The following ATXN3 variants were observed in gnomAD, a reference collection of about 807,000 sequenced individuals.
ATXN3 encodes ataxin-3.
A neutral mutation model predicts 58.2 loss-of-function variants in ATXN3; 28 were observed. That is an observed-to-expected ratio of 0.48 (90% confidence interval 0.36 to 0.66). The LOEUF (loss-of-function observed/expected upper bound fraction) is 0.66, where lower values mean the gene tolerates loss of function less well. Among genes scored for constraint, ATXN3 ranks in the 30% least tolerant of loss-of-function variants. ATXN3 has a pLI of 0.00. For synonymous variants in ATXN3, 113 were observed against 138.5 expected (o/e 0.82, Z 1.29); for missense variants, 321 against 422.1 (o/e 0.76, Z 2.10).
chr14:92,045,012 C>T (rs1386618802), intron 2 of ATXN3: 2 of 152,146 alleles, frequency 1.3e-5, no homozygotes. Context: ...TCTAGCCTGC[C>T]AGAGGACTGG....
At chr14:92,077,194 T>G (rs527415987) in intron 9 of ATXN3, among the ~76,000 whole-genome samples, 1 of 152,258 alleles carries the variant, frequency 6.6e-6, no homozygotes, top group East Asian at 1.9e-4. Context: ...TTATGCCACA[T>G]CCATTCATTT....
intron 1 of ATXN3, among the ~76,000 whole-genome samples, chr14:92,105,917 T>C (rs568439304): frequency 5.3e-5 from 8 of 152,286 alleles, no homozygotes; most frequent in Non-Finnish European, 8.8e-5. Context: ...ACGACTTCCC[T>C]GTTTAGGGGC....
At chr14:92,050,568 A>G (rs764429258), upstream of ATXN3, 18 of 152,260 alleles carry the variant, frequency 1.2e-4, no homozygotes, top group African/African-American at 4.3e-4. Flanking sequence ...GAAAAAAGAC[A>G]AAAAATAACT....
At chr14:92,057,572 C>T (rs1595429285), downstream of ATXN3, among the ~76,000 whole-genome samples, 2 of 152,148 alleles carry the variant, frequency 1.3e-5, no homozygotes, top group East Asian at 3.9e-4. Flanking sequence ...CATTCTTGCA[C>T]AAGATCCAAG....
intron 8 of ATXN3, among the ~76,000 whole-genome samples, chr14:92,081,465 C>T (rs1405160801): frequency 4.8e-5 from 4 of 82,976 alleles, no homozygotes; most frequent in Non-Finnish European, 9.9e-5. Context: ...GACTCTGACT[C>T]AAAAAAAAAA....
intron 10 of ATXN3, among the ~76,000 whole-genome samples, chr14:92,066,611 T>TTC (rs1223904200): frequency 6.9e-6 from 1 of 144,022 alleles, no homozygotes; most frequent in Non-Finnish European, 1.5e-5. Flanking sequence ...GTTTTTTTTT[T>TTC]TTTTTTTTTT....
rs992347935 is a variant in ATXN3, at chr14:92,093,044, T to TA, written c.387+207dup. ...ATGCCTGGCTCTTTGTTTTTTTTTT[T>TA]ATTTATTTTTATTTTTATTTTTATT... On this transcript the variant is annotated intron_variant, in intron 5 of 10. Coordinates refer to ENST00000644486, the MANE Select transcript of ATXN3 (RefSeq NM_004993.6). Among the ~76,000 whole-genome samples, 75 of 145,502 alleles carry TA rather than the reference T, an allele frequency of 5.2e-4. 1 individual carries two copies. The South Asian group carries it at 0.015, about 29-fold the overall frequency.
chr14:92,068,285 A>G (rs1397681113), intron 10 of ATXN3, among the ~76,000 whole-genome samples: 1 of 152,200 alleles, frequency 6.6e-6, no homozygotes, highest in Non-Finnish European at 1.5e-5. Flanking sequence ...GTTGGGGTAC[A>G]TATCTTGGCT....
At chr14:92,095,965 T>G in intron 3 of ATXN3, 128 bp downstream of exon 3, 1 of 784,566 alleles carries the variant, frequency 1.3e-6, no homozygotes. Flanking sequence ...TCTAGTACTC[T>G]AGAGTATAAT....
chr14:92,070,041 T>C (rs1452015318), intron 10 of ATXN3, among the ~76,000 whole-genome samples: 4 of 152,204 alleles, frequency 2.6e-5, no homozygotes, highest in South Asian at 4.1e-4. Flanking sequence ...TTCAAATCCT[T>C]CACCTTTTTA....
chr14:92,056,106 A>G (rs1482647865), downstream of ATXN3, among the ~76,000 whole-genome samples: 1 of 143,320 alleles, frequency 7.0e-6, no homozygotes, highest in Admixed American at 6.8e-5. Flanking sequence ...GTGGCATAGA[A>G]TCTGCTCCCT....
chr14:92,095,955 T>A (rs2065125126), intron 3 of ATXN3, 138 bp downstream of exon 3: 1 of 704,984 alleles, frequency 1.4e-6, no homozygotes, highest in African/African-American at 1.8e-5. Flanking sequence ...AAAAAAAAAA[T>A]CTAGTACTCT....
In ATXN3 at chr14:92,095,453, A is replaced by G. The variant is rs55735641; in HGVS notation, c.234+640T>C. On this transcript the variant is annotated intron_variant, in intron 3 of 10. Coordinates refer to ENST00000644486, the MANE Select transcript of ATXN3 (RefSeq NM_004993.6). Reference sequence around the variant, plus strand: ...GAGACGGGGTTTCACCATGTTAGCCAGGATGGTCTCAATCTCCTGACCTCG... The same window carrying G: ...GAGACGGGGTTTCACCATGTTAGCCGGGATGGTCTCAATCTCCTGACCTCG... Among the ~76,000 whole-genome samples the G allele has an allele frequency of 7.3e-5, 11 of 150,586 alleles. No homozygotes were observed. In the East Asian group the frequency reaches 2.2e-3, roughly 31 times the overall value.
chr14:92,066,442 G>A (rs1291409967), intron 10 of ATXN3, among the ~76,000 whole-genome samples: 1 of 147,640 alleles, frequency 6.8e-6, no homozygotes, highest in Non-Finnish European at 1.5e-5. Context: ...CCTTCCTGAT[G>A]TTCCAAAATT....
At chr14:92,073,421 A>T (rs1282709748) in intron 9 of ATXN3, 1 of 152,254 alleles carries the variant, frequency 6.6e-6, no homozygotes, top group Non-Finnish European at 1.5e-5. Flanking sequence ...AAAAGCAGAA[A>T]CGGGTCAGGC....
chr14:92,084,718 T>G (rs2062059681), intron 6 of ATXN3, among the ~76,000 whole-genome samples: 1 of 152,056 alleles, frequency 6.6e-6, no homozygotes, highest in Non-Finnish European at 1.5e-5. Context: ...TAGCTGGGAT[T>G]ACAGGCACCC....
chr14:92,082,397 C>T lies in ATXN3; in HGVS notation c.678G>A (p.Glu226=). The T allele has an allele frequency of 3.7e-6, 6 of 1,614,142 alleles. No homozygotes were observed. The highest frequency in any genetic ancestry group is 5.1e-6 in the Non-Finnish European group (6 of 1,180,012). The change falls in exon 8 of 11, where the codon GAG becomes GAA. Residue 226 remains glutamate, a synonymous_variant. Transcript: ENST00000644486. ...GTGCCAGAGCCCTCTGCAAATCCTC[C>T]TCATCTTCGTCTAACATTCCTGAGC... is the stretch of plus-strand genomic sequence containing the variant. ...NDGSGMLDED[E]EDLQRALALS...
chr14:92,089,170 C>T (rs8022601), intron 5 of ATXN3, among the ~76,000 whole-genome samples: 42,618 of 150,848 alleles, frequency 0.28, 6,328 homozygotes, highest in East Asian at 0.44. Flanking sequence ...GTCTGCACCA[C>T]CACACCCAGC....
Position 92,083,444 on chromosome 14 carries a change from TAA to T in ATXN3, c.476-188_476-187del, listed in dbSNP as rs1184329526. 2.9e-6 allele frequency: 2 copies of T among 701,514 alleles called. 1 individual carries two copies. Among genetic ancestry groups the T allele is most frequent in the South Asian group, 3.1e-5 (2 of 65,414 alleles). 43.5% of individuals were successfully genotyped at this position (701,514 alleles called of 1,614,324 possible). The stretch of plus-strand genomic sequence containing the variant: ...GTAAAGTCGTCTAAGGTAAGTTACT[TAA>T]AGTCTCTGAGCCTCACTTTCTCCAT... On this transcript the variant is annotated intron_variant, in intron 6 of 10. Coordinates refer to ENST00000644486, the MANE Select transcript of ATXN3 (RefSeq NM_004993.6).
Sources: allele counts gnomAD v4.1 joint callset (sites outside exome capture counted in the v4.1 genomes callset), GRCh38; gene constraint gnomAD v4.1.1; transcripts MANE v1.5; gene names NCBI Gene and HGNC (gene_info 2026-07-23, HGNC 2026-07-21).